Variants in RFC1 observed in about 807,000 individuals in gnomAD.
The protein encoded by RFC1 is A1 140 kDa subunit.
RFC1 carries 37 observed loss-of-function variants against 137.4 expected under a neutral mutation model. The observed-to-expected ratio is 0.27, with a 90% CI of 0.21 to 0.35. The LOEUF (loss-of-function observed/expected upper bound fraction) is 0.35, where lower values mean the gene tolerates loss of function less well. Among genes scored for constraint, RFC1 ranks in the 10% least tolerant of loss-of-function variants. The pLI is 1.00. For missense variants in RFC1, 1,205 were observed against 1,358.5 expected, an observed-to-expected ratio of 0.89 and a Z score of 1.78; for synonymous variants, 429 against 455.7, an observed-to-expected ratio of 0.94 and a Z score of 0.75.
chr4:39,328,144 A>T (rs1176323809), intron 4 of RFC1, among the ~76,000 whole-genome samples: 2 of 150,686 alleles, frequency 1.3e-5, no homozygotes, highest in Admixed American at 1.3e-4. Context: ...CAAAATAAAC[A>T]TCCAAGAACT....
At chr4:39,360,835 G>A (rs534972819) in intron 1 of RFC1, among the ~76,000 whole-genome samples, 17 of 152,116 alleles carry the variant, frequency 1.1e-4, no homozygotes, top group African/African-American at 1.2e-4. Flanking sequence ...GCTGCAGAGC[G>A]GTTGACAAAA....
At chr4:39,347,047 A>G (rs1339498255) in intron 2 of RFC1, among the ~76,000 whole-genome samples, 1 of 152,250 alleles carries the variant, frequency 6.6e-6, no homozygotes, top group Non-Finnish European at 1.5e-5. Flanking sequence ...CAAAGTTCCT[A>G]CACTGTATCG....
intron 1 of RFC1, among the ~76,000 whole-genome samples, chr4:39,361,929 C>T (rs1338516646): frequency 1.3e-5 from 2 of 151,954 alleles, no homozygotes; most frequent in Admixed American, 1.3e-4. Context: ...GTCCCAGCTA[C>T]TCGGGAGGCT....
intron 2 of RFC1, 80 bp downstream of exon 2, chr4:39,351,253 GAAAAAAAAAAAAAAA>G (rs58906519): frequency 6.2e-4 from 194 of 314,988 alleles, no homozygotes; most frequent in East Asian, 2.5e-3. Flanking sequence ...TCTGTCTCAG[GAAAAAAAAAAAAAAA>G]AAAAAAAAAA....
chr4:39,313,406 T>A (rs991802144), intron 10 of RFC1, among the ~76,000 whole-genome samples: 4 of 152,230 alleles, frequency 2.6e-5, no homozygotes, highest in African/African-American at 9.6e-5. Flanking sequence ...TTCGAAACAA[T>A]GTACTTTAAA....
rs1302448971 is a variant in RFC1 at position 39,311,565 on chromosome 4, G to A, written c.1384-16C>T. 1.9e-6 allele frequency: 3 copies of A among 1,603,036 alleles called. No individual in the cohort carries two copies. The highest frequency in any genetic ancestry group is 2.2e-5 in the East Asian group (1 of 44,738). On this transcript the variant is annotated splice_polypyrimidine_tract_variant and intron_variant, in intron 11 of 24. Transcript: ENST00000349703. ...AGGCTGCGGCCTGTTGATTAAAAATGTAAACCATCAAAACTGCATCCTGCA... is the reference window on the plus strand; with the variant it reads ...AGGCTGCGGCCTGTTGATTAAAAATATAAACCATCAAAACTGCATCCTGCA...
Position 39,327,558 on chromosome 4 carries a change from G to C in RFC1, c.530C>G (p.Ser177Cys), listed in dbSNP as rs1333670896. 1.2e-6 allele frequency: 2 copies of C among 1,612,168 alleles called. No individual in the cohort carries two copies. Among genetic ancestry groups the C allele is most frequent in the Non-Finnish European group, 1.7e-6 (2 of 1,179,552 alleles). The change falls in exon 5 of 25, where the codon TCT becomes TGT. Residue 177 changes from serine (S) to cysteine (C), a missense_variant. Ser to Cys is a moderately radical substitution (Grantham distance 112). Transcript: ENST00000349703. Reference protein sequence around the residue: ...DYFGTGSVQRSNKKMVASKRK... With the variant: ...DYFGTGSVQRCNKKMVASKRK... ...TTTGCTTGCCACCATCTTCTTATTAGATCTTTGGACACTTCCAGTTCCAAA... is the reference window on the plus strand; with the variant it reads ...TTTGCTTGCCACCATCTTCTTATTACATCTTTGGACACTTCCAGTTCCAAA...
chr4:39,326,762 C>A, intron 5 of RFC1, 122 bp from the exon 6 acceptor site: 1 of 696,502 alleles, frequency 1.4e-6, no homozygotes, highest in Non-Finnish European at 2.4e-6. Context: ...TCAGTAACAG[C>A]TGCAATGTAC....
intron 12 of RFC1, among the ~76,000 whole-genome samples, chr4:39,309,440 T>C (rs1289207085): frequency 2.0e-5 from 3 of 152,180 alleles, no homozygotes; most frequent in Non-Finnish European, 2.9e-5. Context: ...GTCCATCAAC[T>C]GAAAAAGAAA....
At chr4:39,357,717 T>C (rs369120595) in intron 1 of RFC1, among the ~76,000 whole-genome samples, 1 of 151,744 alleles carries the variant, frequency 6.6e-6, no homozygotes, top group Non-Finnish European at 1.5e-5. Context: ...CCCAGGTTCA[T>C]GCAGTTGTCC....
chr4:39,320,824 A>G (rs1018944866), intron 8 of RFC1, among the ~76,000 whole-genome samples, 155 bp from the exon 9 acceptor site: 3 of 152,210 alleles, frequency 2.0e-5, no homozygotes, highest in Admixed American at 2.0e-4. Context: ...TAGTAAATCT[A>G]TAAATACATT....
chr4:39,305,135 TATAAC>T (rs1317567769), intron 14 of RFC1, among the ~76,000 whole-genome samples: 1 of 152,210 alleles, frequency 6.6e-6, no homozygotes, highest in Non-Finnish European at 1.5e-5. Context: ...TATACATACA[TATAAC>T]ATACACATAC....
intron 24 of RFC1, 55 bp from the exon 25 acceptor site, chr4:39,288,899 A>G (rs1737514850): frequency 2.8e-6 from 3 of 1,081,002 alleles, no homozygotes; most frequent in African/African-American, 3.2e-5. Context: ...AGTAAATGAA[A>G]TAAGTTCATC....
chr4:39,304,598 ACACATTTTTAT>A (rs963283106), intron 15 of RFC1, among the ~76,000 whole-genome samples: 4 of 152,162 alleles, frequency 2.6e-5, no homozygotes. Flanking sequence ...ATGTGCATGT[ACACATTTTTAT>A]CACATTCTTA....
At chr4:39,346,650 TA>T (rs1740876684) in intron 2 of RFC1, among the ~76,000 whole-genome samples, 1 of 152,158 alleles carries the variant, frequency 6.6e-6, no homozygotes, top group South Asian at 2.1e-4. Context: ...TTCTATCCAT[TA>T]TAATAAAACT....
At chr4:39,290,159 T>C in intron 23 of RFC1, 120 bp from the exon 24 acceptor site, 4 of 634,708 alleles carry the variant, frequency 6.3e-6, no homozygotes, top group Non-Finnish European at 1.1e-5. Context: ...TATTTATGTA[T>C]ATACATGTAA....
At chr4:39,333,089 T>G (rs1160772700) in intron 4 of RFC1, among the ~76,000 whole-genome samples, 2 of 152,230 alleles carry the variant, frequency 1.3e-5, no homozygotes, top group Non-Finnish European at 2.9e-5. Context: ...ACTAAAATTC[T>G]AACCTAAGTT....
chr4:39,323,018 A>G (rs549640058), intron 7 of RFC1, among the ~76,000 whole-genome samples: 1 of 152,198 alleles, frequency 6.6e-6, no homozygotes, highest in African/African-American at 2.4e-5. Context: ...TCAGGAGGCA[A>G]AGGTTGCACT....
In RFC1 at chr4:39,295,695, A is replaced by T. The variant is rs772831646; in HGVS notation, c.2873T>A (p.Phe958Tyr). 1 of 1,613,804 alleles carries T rather than the reference A, an allele frequency of 6.2e-7. No individual in the cohort carries two copies. The highest frequency in any genetic ancestry group is 2.2e-5 in the East Asian group (1 of 44,874). Residue 958 changes from phenylalanine to tyrosine, a missense_variant, in exon 22 of 25, where the codon TTC becomes TAC. Around this residue, in one of 3 missense-constraint regions of RFC1, gnomAD observed 237 missense variants for 304.2 expected, o/e 0.78. Transcript: ENST00000349703. The stretch of plus-strand genomic sequence containing the variant: ...CGAGTGCTTCCCCAGCCAGCTTGGG[A>T]AGGTGGGAAACTGGGTCATGTACCC... The part of the protein sequence containing the change: ...MRGYMTQFPT[F>Y]PSWLGKHSST...
Sources: allele counts gnomAD v4.1 joint callset (sites outside exome capture counted in the v4.1 genomes callset), GRCh38; gene constraint gnomAD v4.1.1; regional missense constraint gnomAD v4.1.1; transcripts MANE v1.5; gene names NCBI Gene and HGNC (gene_info 2026-07-23, HGNC 2026-07-21).